RAP1A: variants seen among roughly 807,000 people sequenced by gnomAD.
The protein encoded by RAP1A is RAP1A, member of RAS oncogene family, also known as ras-related protein Rap-1A.
A neutral mutation model predicts 26.4 loss-of-function variants in RAP1A; 6 were observed. The observed-to-expected ratio is 0.23, with a 90% confidence interval of 0.12 to 0.45. RAP1A has a LOEUF of 0.45. Among genes scored for constraint, RAP1A ranks in the 20% least tolerant of loss-of-function variants. RAP1A has a pLI of 0.99. For synonymous variants in RAP1A, 73 were observed against 79.4 expected (o/e 0.92, Z 0.43); for missense variants, 121 against 217.2 (o/e 0.56, Z 2.78).
chr1:111,676,326 G>A (rs964630572), intron 1 of RAP1A, among the ~76,000 whole-genome samples: 1 of 152,132 alleles, frequency 6.6e-6, no homozygotes, highest in African/African-American at 2.4e-5. Flanking sequence ...ACTCAAGCCT[G>A]GGTTATAGAG....
intron 1 of RAP1A, chr1:111,686,690 C>CAAAAAAAAA (rs4020149): frequency 9.5e-5 from 6 of 63,476 alleles, no homozygotes; most frequent in Admixed American, 2.2e-4. Flanking sequence ...GACCCTATCT[C>CAAAAAAAAA]AAAAAAAAAA....
At chr1:111,657,164 C>T (rs1660487578) in intron 1 of RAP1A, among the ~76,000 whole-genome samples, 1 of 152,174 alleles carries the variant, frequency 6.6e-6, no homozygotes, top group South Asian at 2.1e-4. Flanking sequence ...AAATCCATAT[C>T]CATAATCCAA....
chr1:111,656,592 A>G (rs186696507), intron 1 of RAP1A, among the ~76,000 whole-genome samples: 4 of 152,286 alleles, frequency 2.6e-5, no homozygotes, highest in Middle Eastern at 3.4e-3. Flanking sequence ...TCCAGTCTCC[A>G]GTGACCTCCA....
intron 1 of RAP1A, among the ~76,000 whole-genome samples, chr1:111,676,862 C>T (rs1341406372): frequency 6.6e-6 from 1 of 151,770 alleles, no homozygotes; most frequent in African/African-American, 2.4e-5. Flanking sequence ...GGTACAATCT[C>T]AACTCACTGT....
chr1:111,703,672 A>T (rs1009099877), intron 5 of RAP1A, among the ~76,000 whole-genome samples, 196 bp downstream of exon 5: 1 of 152,198 alleles, frequency 6.6e-6, no homozygotes, highest in Non-Finnish European at 1.5e-5. Context: ...GAAAATGAGG[A>T]CATATGTGAT....
intron 1 of RAP1A, among the ~76,000 whole-genome samples, chr1:111,662,710 A>G (rs573617279): frequency 3.7e-4 from 54 of 145,288 alleles, no homozygotes; most frequent in African/African-American, 1.3e-3. Flanking sequence ...TTGGGAAGGA[A>G]AAAAGCATTA....
At chr1:111,688,823 T>G (rs1243070830) in intron 1 of RAP1A, among the ~76,000 whole-genome samples, 17 of 50,138 alleles carry the variant, frequency 3.4e-4, no homozygotes, top group Non-Finnish European at 5.7e-4. Flanking sequence ...TTTTTTTTTG[T>G]TTTTTTTTTT....
chr1:111,557,710 A>C (rs1225932404), intron 1 of RAP1A, among the ~76,000 whole-genome samples: 1 of 152,234 alleles, frequency 6.6e-6, no homozygotes, highest in Non-Finnish European at 1.5e-5. Context: ...GATACTAAAC[A>C]AATAGCCTGA....
intron 4 of RAP1A, 49 bp downstream of exon 4, chr1:111,697,546 T>G: frequency 6.2e-7 from 1 of 1,605,080 alleles, no homozygotes; most frequent in African/African-American, 1.3e-5. Context: ...GTGAGCAGGT[T>G]TTGTCATCTG....
chr1:111,623,592 G>C (rs577899417), intron 1 of RAP1A, among the ~76,000 whole-genome samples: 1 of 152,048 alleles, frequency 6.6e-6, no homozygotes, highest in East Asian at 1.9e-4. Flanking sequence ...TTTTTTTTTA[G>C]TAGAGAGAGA....
chr1:111,674,798 C>G (rs970316357), intron 1 of RAP1A, among the ~76,000 whole-genome samples: 4 of 152,068 alleles, frequency 2.6e-5, no homozygotes, highest in Non-Finnish European at 5.9e-5. Context: ...AAAGCATTGC[C>G]CCTCTTCAGC....
intron 1 of RAP1A, among the ~76,000 whole-genome samples, chr1:111,572,768 C>T (rs1571477633): frequency 6.6e-6 from 1 of 152,080 alleles, no homozygotes; most frequent in African/African-American, 2.4e-5. Flanking sequence ...ATTTTAGGTT[C>T]GGGGGTACAT....
At chr1:111,647,716 T>C (rs1266524858) in intron 1 of RAP1A, among the ~76,000 whole-genome samples, 1 of 152,124 alleles carries the variant, frequency 6.6e-6, no homozygotes, top group East Asian at 1.9e-4. Flanking sequence ...AGATCTTTTT[T>C]TTTTTTTCCT....
chr1:111,542,831 GGACTACAGGCAT>G (rs1282005307), intron 1 of RAP1A, among the ~76,000 whole-genome samples: 3 of 151,976 alleles, frequency 2.0e-5, no homozygotes, highest in Non-Finnish European at 4.4e-5. Context: ...GGAATAGCTG[GGACTACAGGCAT>G]GAACCACCAT....
intron 1 of RAP1A, among the ~76,000 whole-genome samples, chr1:111,662,819 A>T (rs1372680937): frequency 6.6e-6 from 1 of 152,234 alleles, no homozygotes; most frequent in East Asian, 1.9e-4. Flanking sequence ...AAAGAAGTTG[A>T]ATATTAATGA....
chr1:111,555,110 A>T (rs1006724733), intron 1 of RAP1A, among the ~76,000 whole-genome samples: 6 of 152,174 alleles, frequency 3.9e-5, no homozygotes, highest in Admixed American at 2.0e-4. Flanking sequence ...TCACACCTGT[A>T]ATTCCAACAC....
chr1:111,687,405 G>A (rs564790569), intron 1 of RAP1A, among the ~76,000 whole-genome samples: 154 of 151,854 alleles, frequency 1.0e-3, no homozygotes, highest in African/African-American at 3.7e-3. Context: ...ATGGGATTTT[G>A]CCATGTTGGC....
intron 1 of RAP1A, among the ~76,000 whole-genome samples, chr1:111,565,508 A>G (rs1444624749): frequency 6.6e-6 from 1 of 152,238 alleles, no homozygotes; most frequent in East Asian, 1.9e-4. Context: ...GTAGTAACAT[A>G]TGGAGGGCAC....
intron 1 of RAP1A, among the ~76,000 whole-genome samples, chr1:111,661,520 G>C (rs1362191126): frequency 1.3e-5 from 2 of 152,180 alleles, no homozygotes; most frequent in Non-Finnish European, 2.9e-5. Context: ...CAATTTAGGG[G>C]CCGGGCACAG....
Sources: gnomAD v4.1 joint callset for allele counts (sites outside exome capture counted in the v4.1 genomes callset) on GRCh38, gnomAD v4.1.1 for gene constraint, MANE v1.5 for transcripts, NCBI Gene and HGNC (gene_info 2026-07-23, HGNC 2026-07-21) for gene names.